The following SGCD variants were observed in gnomAD, a reference collection of about 807,000 sequenced individuals.
SGCD encodes the protein sarcoglycan delta, also known as delta-sarcoglycan.
A neutral mutation model predicts 36.6 loss-of-function variants in SGCD; 18 were observed. The observed-to-expected ratio is 0.49, with a 90% confidence interval of 0.34 to 0.73. The LOEUF is 0.73. Among genes scored for constraint, SGCD ranks in the 30% least tolerant of loss-of-function variants. The pLI, the probability that SGCD is intolerant of heterozygous loss-of-function variation, is 0.01. For synonymous variants in SGCD, 133 were observed against 130.6 expected (o/e 1.02, Z -0.12); for missense variants, 387 against 346.7 (o/e 1.12, Z -0.92).
chr5:155,838,316 G>T, the SGCD span, among the ~76,000 whole-genome samples: 13 of 151,990 alleles, frequency 8.6e-5, no homozygotes, highest in East Asian at 3.9e-4. Flanking sequence ...ATTCAAAAAA[G>T]GTCCTCACAT....
intron 3 of SGCD, among the ~76,000 whole-genome samples, chr5:156,228,715 T>C (rs1158651524): frequency 6.7e-6 from 1 of 149,668 alleles, no homozygotes; most frequent in Non-Finnish European, 1.5e-5. Flanking sequence ...TTTTTGTTTT[T>C]GTTTTTTAAA....
intron 3 of SGCD, among the ~76,000 whole-genome samples, chr5:156,388,801 C>T (rs1771414563): frequency 6.6e-6 from 1 of 152,140 alleles, no homozygotes; most frequent in Non-Finnish European, 1.5e-5. Context: ...AATAGCAATC[C>T]ATTAGTATTT....
intron 1 of SGCD, among the ~76,000 whole-genome samples, chr5:156,030,668 T>C (rs1281953761): frequency 6.6e-6 from 1 of 152,156 alleles, no homozygotes; most frequent in East Asian, 1.9e-4. Context: ...GTGAGTTGAA[T>C]GCTTTTGTTG....
At chr5:156,148,273 G>A (rs1762753736) in intron 3 of SGCD, among the ~76,000 whole-genome samples, 1 of 152,204 alleles carries the variant, frequency 6.6e-6, no homozygotes, top group Non-Finnish European at 1.5e-5. Context: ...TATATCAGCA[G>A]ACCATATGCA....
At chr5:156,476,917 C>T (rs769986339) in intron 3 of SGCD, among the ~76,000 whole-genome samples, 1 of 152,112 alleles carries the variant, frequency 6.6e-6, no homozygotes, top group Non-Finnish European at 1.5e-5. Flanking sequence ...GTGATCTCAG[C>T]AGGGATTTCT....
chr5:156,422,434 T>C (rs1271472864), intron 3 of SGCD, among the ~76,000 whole-genome samples: 1 of 152,014 alleles, frequency 6.6e-6, no homozygotes, highest in Non-Finnish European at 1.5e-5. Flanking sequence ...CTCTTTTGCT[T>C]TTTCCACTTC....
chr5:156,543,678 A>G (rs1470750426), intron 4 of SGCD, among the ~76,000 whole-genome samples: 3 of 152,230 alleles, frequency 2.0e-5, no homozygotes, highest in South Asian at 2.1e-4. Context: ...GCCAGACACA[A>G]AGTGCTCAGG....
chr5:156,426,543 C>T (rs1221371311), intron 3 of SGCD, among the ~76,000 whole-genome samples: 1 of 152,072 alleles, frequency 6.6e-6, no homozygotes, highest in Non-Finnish European at 1.5e-5. Flanking sequence ...ATTTCTTTTG[C>T]TGTGCAGAAG....
intron 3 of SGCD, among the ~76,000 whole-genome samples, chr5:156,207,584 T>C (rs1237596040): frequency 1.3e-5 from 2 of 152,210 alleles, no homozygotes; most frequent in African/African-American, 4.8e-5. Context: ...ATTAGTAGTT[T>C]GGTGCAAAAG....
chr5:156,087,106 A>C (rs1761117965), intron 1 of SGCD, among the ~76,000 whole-genome samples: 1 of 152,214 alleles, frequency 6.6e-6, no homozygotes, highest in South Asian at 2.1e-4. Context: ...CACAGCAAAG[A>C]AGTATGCCTA....
intron 6 of SGCD, among the ~76,000 whole-genome samples, chr5:156,616,933 T>C (rs920570177): frequency 3.3e-5 from 5 of 152,210 alleles, no homozygotes; most frequent in African/African-American, 1.2e-4. Flanking sequence ...AGAGATCATA[T>C]GGCCCAGAAA....
the SGCD span, among the ~76,000 whole-genome samples, chr5:155,852,482 A>G: frequency 6.6e-6 from 1 of 152,166 alleles, no homozygotes; most frequent in African/African-American, 2.4e-5. Flanking sequence ...ATAATAGCCT[A>G]ACTTTTATAA....
chr5:156,530,914 A>G (rs1757861382), intron 4 of SGCD, among the ~76,000 whole-genome samples: 1 of 152,146 alleles, frequency 6.6e-6, no homozygotes, highest in South Asian at 2.1e-4. Flanking sequence ...CAAAGAGCCT[A>G]CTAAATAACA....
At chr5:156,550,194 C>T (rs771519770) in intron 4 of SGCD, among the ~76,000 whole-genome samples, 3 of 152,088 alleles carry the variant, frequency 2.0e-5, no homozygotes, top group Non-Finnish European at 4.4e-5. Flanking sequence ...ACAAGTGACA[C>T]GGAGGTTACA....
intron 1 of SGCD, among the ~76,000 whole-genome samples, chr5:155,875,163 G>GTATTGTAT (rs2113282924): frequency 6.6e-6 from 1 of 152,192 alleles, no homozygotes; most frequent in South Asian, 2.1e-4. Flanking sequence ...AAGTAAATAC[G>GTATTGTAT]TATTGTATAA....
chr5:156,267,598 C>G (rs1025321635), intron 3 of SGCD, among the ~76,000 whole-genome samples: 1 of 152,198 alleles, frequency 6.6e-6, no homozygotes, highest in Admixed American at 6.5e-5. Context: ...ACTACATGTT[C>G]TGATGCCTTC....
intron 3 of SGCD, among the ~76,000 whole-genome samples, chr5:156,220,662 C>A (rs530851981): frequency 4.9e-4 from 74 of 152,244 alleles, no homozygotes; most frequent in African/African-American, 1.7e-3. Flanking sequence ...TATTTTTCAA[C>A]TGATAAAACA....
chr5:156,293,306 A>T (rs1011172234), intron 3 of SGCD, among the ~76,000 whole-genome samples: 1 of 152,112 alleles, frequency 6.6e-6, no homozygotes, highest in East Asian at 1.9e-4. Flanking sequence ...ATTTTCTTAA[A>T]GTTACATTTG....
At chr5:155,969,942 T>G (rs895388216) in intron 1 of SGCD, among the ~76,000 whole-genome samples, 3 of 152,048 alleles carry the variant, frequency 2.0e-5, no homozygotes, top group African/African-American at 7.2e-5. Flanking sequence ...TTTTTTCAGC[T>G]TGACAAGTGA....
Sources: allele counts gnomAD v4.1 joint callset (sites outside exome capture counted in the v4.1 genomes callset), GRCh38; gene constraint gnomAD v4.1.1; transcripts MANE v1.5; gene names NCBI Gene and HGNC (gene_info 2026-07-23, HGNC 2026-07-21).